Variants in SPATA6 observed in about 807,000 individuals in gnomAD.
SPATA6 encodes spermatogenesis associated 6, also known as spermatogenesis-associated protein 6.
A neutral mutation model predicts 65.3 loss-of-function variants in SPATA6; 56 were observed. The ratio of observed to expected loss-of-function variants is 0.86; its 90% CI spans 0.69 to 1.07. The LOEUF is 1.07. SPATA6 is among the 50% of genes least tolerant of loss of function. The pLI, the probability that SPATA6 is intolerant of heterozygous loss-of-function variation, is 0.00. For missense variants in SPATA6, 590 were observed against 594.8 expected (o/e 0.99, Z 0.08); for synonymous variants, 199 against 213.2 (o/e 0.93, Z 0.58).
chr1:48,382,564 C>T (rs1311196290), intron 9 of SPATA6, among the ~76,000 whole-genome samples: 21 of 99,794 alleles, frequency 2.1e-4, no homozygotes, highest in South Asian at 8.3e-4. Flanking sequence ...ACCTCCCGGA[C>T]GGGGCGGCCG....
At chr1:48,286,617 T>A in the SPATA6 span, among the ~76,000 whole-genome samples, 2 of 152,212 alleles carry the variant, frequency 1.3e-5, no homozygotes, top group East Asian at 3.9e-4. Flanking sequence ...TTTTATATCA[T>A]CCTTCCAATT....
At chr1:48,448,533 A>C (rs1161568088) in intron 3 of SPATA6, among the ~76,000 whole-genome samples, 6 of 152,026 alleles carry the variant, frequency 3.9e-5, no homozygotes. Flanking sequence ...CATCAGCTGC[A>C]ATATATCTTT....
intron 3 of SPATA6, among the ~76,000 whole-genome samples, chr1:48,419,075 T>C (rs1041699067): frequency 6.6e-6 from 1 of 152,102 alleles, no homozygotes; most frequent in African/African-American, 2.4e-5. Flanking sequence ...GAAAATACTT[T>C]AAAAACAAAA....
At chr1:48,407,951 A>G (rs1047576843) in intron 5 of SPATA6, among the ~76,000 whole-genome samples, 4 of 152,166 alleles carry the variant, frequency 2.6e-5, no homozygotes, top group Non-Finnish European at 5.9e-5. Flanking sequence ...AAGAGACCAT[A>G]ATTTTAAAAT....
At chr1:48,427,787 G>A (rs1653979714) in intron 3 of SPATA6, among the ~76,000 whole-genome samples, 1 of 152,094 alleles carries the variant, frequency 6.6e-6, no homozygotes, top group Admixed American at 6.5e-5. Context: ...TGATGCTGAG[G>A]TATGGGTTTC....
At chr1:48,458,335 T>C (rs146001684) in intron 1 of SPATA6, among the ~76,000 whole-genome samples, 147 of 152,326 alleles carry the variant, frequency 9.7e-4, no homozygotes, top group Non-Finnish European at 1.8e-3. Context: ...CCAACTATTT[T>C]TTGGCCATAA....
intron 1 of SPATA6, among the ~76,000 whole-genome samples, chr1:48,470,127 T>C (rs1199480584): frequency 2.0e-5 from 3 of 152,226 alleles, no homozygotes; most frequent in African/African-American, 7.2e-5. Flanking sequence ...ATACAGTGAA[T>C]TACACAGTCA....
the SPATA6 span, among the ~76,000 whole-genome samples, chr1:48,289,935 T>G: frequency 6.6e-6 from 1 of 152,168 alleles, no homozygotes. Context: ...CTGCAGGATA[T>G]TATCTAGGAG....
At chr1:48,261,437 G>A in the SPATA6 span, among the ~76,000 whole-genome samples, 95 of 152,090 alleles carry the variant, frequency 6.2e-4, 1 homozygote, top group Admixed American at 1.7e-3. Flanking sequence ...ATTCTATTAC[G>A]AAGAATGTAA....
intron 11 of SPATA6, among the ~76,000 whole-genome samples, chr1:48,310,810 C>A (rs897527209): frequency 1.3e-5 from 2 of 152,086 alleles, no homozygotes; most frequent in Non-Finnish European, 2.9e-5. Flanking sequence ...ATGAAAAATT[C>A]TTGAAGAATG....
intron 3 of SPATA6, among the ~76,000 whole-genome samples, chr1:48,439,424 C>A (rs1206532618): frequency 6.6e-6 from 1 of 151,560 alleles, no homozygotes; most frequent in Non-Finnish European, 1.5e-5. Flanking sequence ...CGTCAGTGAG[C>A]GCAACTATTC....
intron 11 of SPATA6, among the ~76,000 whole-genome samples, chr1:48,341,825 A>G (rs1220588946): frequency 6.6e-6 from 1 of 152,186 alleles, no homozygotes; most frequent in African/African-American, 2.4e-5. Flanking sequence ...AAAGGCATTA[A>G]ATTTGCAGGC....
intron 11 of SPATA6, among the ~76,000 whole-genome samples, chr1:48,353,956 G>A (rs1024105843): frequency 1.3e-5 from 2 of 151,920 alleles, no homozygotes; most frequent in South Asian, 2.1e-4. Context: ...ATAAGGCACA[G>A]AGTGGAAAAA....
intron 11 of SPATA6, among the ~76,000 whole-genome samples, chr1:48,324,445 C>T (rs534268802): frequency 6.0e-4 from 91 of 152,138 alleles, no homozygotes; most frequent in Non-Finnish European, 1.1e-3. Flanking sequence ...AAACTCTTAG[C>T]AAAATACTAG....
chr1:48,304,416 T>C (rs1245982644), intron 12 of SPATA6, among the ~76,000 whole-genome samples: 1 of 152,212 alleles, frequency 6.6e-6, no homozygotes, highest in East Asian at 1.9e-4. Context: ...AATATTGGGG[T>C]TTACGGCAAA....
intron 3 of SPATA6, among the ~76,000 whole-genome samples, chr1:48,428,785 G>GTA: frequency 1.1e-5 from 1 of 94,180 alleles, no homozygotes; most frequent in East Asian, 2.8e-4. Context: ...ATGTGTGTGT[G>GTA]TGTGTGTGTG....
At chr1:48,315,518 T>G (rs1645384617) in intron 11 of SPATA6, among the ~76,000 whole-genome samples, 1 of 152,104 alleles carries the variant, frequency 6.6e-6, no homozygotes, top group Non-Finnish European at 1.5e-5. Context: ...CTCAATAAAT[T>G]AGGTATTGAT....
intron 5 of SPATA6, among the ~76,000 whole-genome samples, chr1:48,407,515 T>C (rs562107984): frequency 6.6e-6 from 1 of 152,294 alleles, no homozygotes; most frequent in East Asian, 1.9e-4. Flanking sequence ...ACTGATTCTG[T>C]TCCCTCTGGT....
chr1:48,312,752 C>A (rs368508745), intron 11 of SPATA6, among the ~76,000 whole-genome samples: 4 of 152,094 alleles, frequency 2.6e-5, no homozygotes, highest in African/African-American at 7.2e-5. Context: ...CGACTCCAAG[C>A]TAAAGGAGGA....
Sources: gnomAD v4.1 joint callset for allele counts (sites outside exome capture counted in the v4.1 genomes callset) on GRCh38, gnomAD v4.1.1 for gene constraint, MANE v1.5 for transcripts, NCBI Gene and HGNC (gene_info 2026-07-23, HGNC 2026-07-21) for gene names.